SSH1: variants seen among roughly 807,000 people sequenced by gnomAD.
The protein encoded by SSH1 is protein phosphatase Slingshot homolog 1.
In SSH1, 43 loss-of-function variants were observed where a neutral mutation model predicts 79.7. That is an observed-to-expected ratio of 0.54 (90% CI 0.42 to 0.70). The LOEUF (loss-of-function observed/expected upper bound fraction) is 0.70. Among genes scored for constraint, SSH1 ranks in the 30% least tolerant of loss-of-function variants. The pLI, the probability that SSH1 is intolerant of heterozygous loss-of-function variation, is 0.00. For missense variants in SSH1, 1,206 were observed against 1,358.8 expected, an observed-to-expected ratio of 0.89 and a Z score of 1.77; for synonymous variants, 599 against 538.3, an observed-to-expected ratio of 1.11 and a Z score of -1.56.
At position 108,823,290 on chromosome 12, in the gene SSH1, T is replaced by C. The variant is rs2038194178; in HGVS notation, c.182A>G (p.Gln61Arg). 6.3e-7 allele frequency: 1 copy of C among 1,590,320 alleles called. No homozygotes were observed. The highest frequency in any genetic ancestry group is 8.6e-7 in the Non-Finnish European group (1 of 1,167,288). Reference protein sequence around the residue: ...FLQQGSSPQGQRSLQHPHKHA... With the variant: ...FLQQGSSPQGRRSLQHPHKHA... The stretch of plus-strand genomic sequence containing the variant: ...CTTGTGGGGGTGCTGAAGACTCCGC[T>C]GGCCTTGAGGGCTGCTTCCCTGTTG... The change falls in exon 3 of 15, where the codon CAG becomes CGG. Residue 61 changes from glutamine (Q) to arginine (R), a missense_variant. Around this residue, in one of 5 missense-constraint regions of SSH1, gnomAD observed 100 missense variants for 82.3 expected, o/e 1.21. Coordinates refer to ENST00000326495, the MANE Select transcript of SSH1 (RefSeq NM_018984.4).
intron 2 of SSH1, among the ~76,000 whole-genome samples, chr12:108,832,870 CT>C (rs967273643): frequency 1.3e-5 from 2 of 152,172 alleles, no homozygotes; most frequent in African/African-American, 4.8e-5. Flanking sequence ...TTGTACCCCC[CT>C]AAACACATAA....
intron 2 of SSH1, among the ~76,000 whole-genome samples, chr12:108,840,798 C>T (rs940280786): frequency 4.6e-5 from 7 of 152,200 alleles, no homozygotes; most frequent in African/African-American, 1.2e-4. Flanking sequence ...GGGGCAGACG[C>T]GGCAGGCTAA....
At chr12:108,814,460 CT>C (rs2037789750) in intron 5 of SSH1, among the ~76,000 whole-genome samples, 1 of 151,954 alleles carries the variant, frequency 6.6e-6, no homozygotes, top group South Asian at 2.1e-4. Flanking sequence ...GGGACCTGGA[CT>C]TTTTTTCAAG....
chr12:108,827,359 C>A, intron 2 of SSH1: 1 of 1,545,102 alleles, frequency 6.5e-7, no homozygotes, highest in Non-Finnish European at 8.7e-7. Flanking sequence ...GGCTGCAGTG[C>A]TCACATCTCT....
rs747249864 is a variant in SSH1, at chr12:108,817,096, C to T, written c.343G>A (p.Gly115Arg). The T allele has an allele frequency of 1.1e-5, 18 of 1,614,204 alleles. No homozygotes were observed. The highest frequency in any genetic ancestry group is 2.7e-5 in the African/African-American group (2 of 75,056). The change falls in exon 5 of 15, where the codon GGG becomes AGG. Residue 115 changes from glycine (G) to arginine (R), a missense_variant. By Grantham distance (125) the Gly-to-Arg change is moderately radical. Around this residue, in one of 5 missense-constraint regions of SSH1, gnomAD observed 115 missense variants for 173.9 expected, o/e 0.66. Coordinates refer to ENST00000326495, the MANE Select transcript of SSH1 (RefSeq NM_018984.4). ...VRYMVVVYSSGRQDTEENILL... is the reference protein window; with the variant it reads ...VRYMVVVYSSRRQDTEENILL... The stretch of plus-strand genomic sequence containing the variant: ...ATATTCTCCTCGGTGTCCTGGCGCC[C>T]GCTGCTGTACACCACCACCATGTAC...
rs60048027 is a variant in SSH1 at position 108,790,964 on chromosome 12, A to G, written c.1893+1322T>C. 2.6e-3 allele frequency among the ~76,000 whole-genome samples: 393 copies of G among 152,314 alleles called. 13 individuals are homozygous for G. In the East Asian group the frequency reaches 0.054, roughly 21 times the overall value. ...GGAGGGAAAAGGTTGGCTGGAATTA[A>G]CCAATTTCTCAGTAAGCACCAGGTT... On this transcript the variant is annotated intron_variant, in intron 14 of 14. Coordinates refer to ENST00000326495, the MANE Select transcript of SSH1 (RefSeq NM_018984.4).
rs1280702225 is a variant in SSH1 at position 108,857,575 on chromosome 12, G to C, written c.-79C>G. ...GCCACCGCCGCCCGGGCCGGGCCCGGGGCCTCCTGGAGCCGCGCGCGGGCG... is the reference window on the plus strand; with the variant it reads ...GCCACCGCCGCCCGGGCCGGGCCCGCGGCCTCCTGGAGCCGCGCGCGGGCG... On this transcript the variant is annotated 5_prime_UTR_variant, in exon 1 of 15. Transcript: ENST00000326495. The surrounding 1 kb of genome is among the most constrained non-coding windows in gnomAD (Gnocchi z 4.7). 1 of 887,882 alleles carries C rather than the reference G, an allele frequency of 1.1e-6. No individual in the cohort carries two copies. The highest frequency in any genetic ancestry group is 1.8e-5 in the African/African-American group (1 of 54,292). 55.0% of individuals were successfully genotyped at this position (887,882 alleles called of 1,614,324 possible).
At chr12:108,828,814 T>TA (rs1216317652) in intron 2 of SSH1, among the ~76,000 whole-genome samples, 1 of 152,178 alleles carries the variant, frequency 6.6e-6, no homozygotes, top group East Asian at 1.9e-4. Flanking sequence ...GCTTTCAAGG[T>TA]AAGTTTCTCA....
At chr12:108,844,433 C>T (rs758492758) in intron 2 of SSH1, among the ~76,000 whole-genome samples, 2 of 152,140 alleles carry the variant, frequency 1.3e-5, no homozygotes, top group Admixed American at 1.3e-4. Context: ...CTGCAAGGCT[C>T]GCTCCCCGTG....
chr12:108,823,049 T>C (rs2038182388), intron 3 of SSH1, among the ~76,000 whole-genome samples: 1 of 152,216 alleles, frequency 6.6e-6, no homozygotes, highest in Admixed American at 6.5e-5. Context: ...ACCTTACTCC[T>C]GACGCAGACA....
chr12:108,824,829 A>C (rs2038253938), intron 2 of SSH1, among the ~76,000 whole-genome samples: 1 of 152,192 alleles, frequency 6.6e-6, no homozygotes, highest in African/African-American at 2.4e-5. Flanking sequence ...ATTAAGACAT[A>C]AGAAAAGAAT....
intron 3 of SSH1, among the ~76,000 whole-genome samples, chr12:108,821,197 TAGTG>T (rs1274952355): frequency 5.5e-5 from 8 of 146,246 alleles, no homozygotes; most frequent in Middle Eastern, 3.4e-3. Flanking sequence ...CTGAGCAACA[TAGTG>T]AGTGAGACCT....
chr12:108,796,104 C>T (rs773725460), intron 13 of SSH1, among the ~76,000 whole-genome samples: 4 of 151,774 alleles, frequency 2.6e-5, no homozygotes, highest in Non-Finnish European at 5.9e-5. Flanking sequence ...TTAGTAGAGA[C>T]GGGGTTTAAC....
In SSH1 at chr12:108,788,686, TCTG is replaced by T; in HGVS notation, c.2449_2451del (p.Gln817del). On this transcript the variant is annotated inframe_deletion, in exon 15 of 15. Coordinates refer to ENST00000326495, the MANE Select transcript of SSH1 (RefSeq NM_018984.4). ...GTGTGCTTGCGGACCAAGCCTGCCT[TCTG>T]CAGCTGAATGATGGACTCCTGGTGC... 1 of 1,614,216 alleles carries T rather than the reference TCTG, an allele frequency of 6.2e-7. No individual in the cohort carries two copies. Among genetic ancestry groups the T allele is most frequent in the South Asian group, 1.1e-5 (1 of 91,090 alleles).
intron 1 of SSH1, among the ~76,000 whole-genome samples, chr12:108,855,464 A>T (rs1432354597): frequency 6.6e-6 from 1 of 152,200 alleles, no homozygotes; most frequent in Middle Eastern, 3.2e-3. Context: ...AAACCACTGA[A>T]TTGTACACTT....
intron 5 of SSH1, 54 bp downstream of exon 5, chr12:108,816,984 A>G: frequency 6.2e-7 from 1 of 1,610,492 alleles, no homozygotes; most frequent in East Asian, 2.2e-5. Flanking sequence ...TGCTTTGTCC[A>G]GCAGCAACTC....
At chr12:108,841,578 C>A (rs917277364) in intron 2 of SSH1, among the ~76,000 whole-genome samples, 1 of 148,310 alleles carries the variant, frequency 6.7e-6, no homozygotes, top group African/African-American at 2.5e-5. Context: ...GAGGCCGAGG[C>A]GAGTGGATCA....
At chr12:108,831,859 T>C (rs2038481729) in intron 2 of SSH1, among the ~76,000 whole-genome samples, 1 of 152,208 alleles carries the variant, frequency 6.6e-6, no homozygotes, top group Non-Finnish European at 1.5e-5. Context: ...TAGAACTTGA[T>C]CATCCCTGAG....
chr12:108,837,841 C>T (rs958159604), intron 2 of SSH1, among the ~76,000 whole-genome samples: 4 of 151,614 alleles, frequency 2.6e-5, no homozygotes, highest in South Asian at 2.1e-4. Context: ...TGCAGTGGGA[C>T]GACCACGGCT....
Sources: allele counts gnomAD v4.1 joint callset (sites outside exome capture counted in the v4.1 genomes callset), GRCh38; gene constraint gnomAD v4.1.1; regional missense constraint gnomAD v4.1.1; non-coding constraint Gnocchi (gnomAD v3.1); transcripts MANE v1.5; gene names NCBI Gene and HGNC (gene_info 2026-07-23, HGNC 2026-07-21).